Variants in PRKG1 observed in about 807,000 individuals in gnomAD.
The protein encoded by PRKG1 is cGMP-dependent protein kinase 1.
Under a neutral mutation model 88.1 loss-of-function variants are expected in PRKG1, and 35 were observed. The observed-to-expected ratio is 0.40, with a 90% CI of 0.30 to 0.53. The LOEUF (loss-of-function observed/expected upper bound fraction) is 0.53, where lower values mean the gene tolerates loss of function less well. PRKG1 is among the 20% of genes least tolerant of loss of function. The pLI is 0.59. For missense variants in PRKG1, 540 were observed against 839.8 expected (o/e 0.64, Z 4.41); for synonymous variants, 303 against 292.5 (o/e 1.04, Z -0.37).
chr10:51,088,460 A>G (rs1055500014), intron 1 of PRKG1, among the ~76,000 whole-genome samples: 4 of 149,004 alleles, frequency 2.7e-5, no homozygotes, highest in African/African-American at 9.9e-5. Flanking sequence ...GGGTAAGACT[A>G]TAGTATATGT....
intron 3 of PRKG1, among the ~76,000 whole-genome samples, chr10:51,788,763 G>A (rs1425963384): frequency 6.6e-6 from 1 of 152,182 alleles, no homozygotes; most frequent in Non-Finnish European, 1.5e-5. Flanking sequence ...CTGAGGTGAT[G>A]TAGAGGTATA....
At chr10:51,912,939 A>T (rs111331191) in intron 5 of PRKG1, among the ~76,000 whole-genome samples, 1,868 of 145,008 alleles carry the variant, frequency 0.013, 40 homozygotes, top group African/African-American at 0.051. Context: ...TTTTATTATT[A>T]TTTTTTTGAG....
intron 5 of PRKG1, among the ~76,000 whole-genome samples, chr10:51,942,633 G>A (rs1353823714): frequency 6.8e-6 from 1 of 146,682 alleles, no homozygotes; most frequent in African/African-American, 2.6e-5. Flanking sequence ...TTTTGTATAA[G>A]GTGTAAGGAA....
intron 3 of PRKG1, among the ~76,000 whole-genome samples, chr10:51,741,409 C>T (rs1837430000): frequency 6.6e-6 from 1 of 152,072 alleles, no homozygotes; most frequent in African/African-American, 2.4e-5. Context: ...CATTCCTTCT[C>T]TTTACTAAAA....
intron 3 of PRKG1, among the ~76,000 whole-genome samples, chr10:51,494,650 A>G (rs1327028402): frequency 6.6e-6 from 1 of 152,210 alleles, no homozygotes; most frequent in Non-Finnish European, 1.5e-5. Flanking sequence ...TGGAATAAGA[A>G]CCTACATTTG....
At position 51,709,865 on chromosome 10, in the gene PRKG1, A is replaced by G. The variant is rs146940961; in HGVS notation, c.593-94720A>G. 4.4e-3 allele frequency among the ~76,000 whole-genome samples: 674 copies of G among 152,296 alleles called. 2 individuals carry two copies. The highest frequency in any genetic ancestry group is 0.016 in the African/African-American group (652 of 41,564). On this transcript the variant is annotated intron_variant, in intron 3 of 17. Coordinates refer to ENST00000373980, the MANE Select transcript of PRKG1 (RefSeq NM_006258.4). Reference sequence around the variant, plus strand: ...GGAGGCAGAGATGAGGGAGGGAAGGAAAGTGTTTGCATCCCCACCAGGAAG... The same window carrying G: ...GGAGGCAGAGATGAGGGAGGGAAGGGAAGTGTTTGCATCCCCACCAGGAAG...
chr10:52,223,074 G>A (rs909791162), intron 9 of PRKG1, among the ~76,000 whole-genome samples: 2 of 151,974 alleles, frequency 1.3e-5, no homozygotes, highest in African/African-American at 4.8e-5. Context: ...TCTTTTATGT[G>A]AATATTTTCC....
At position 51,894,695 on chromosome 10, in the gene PRKG1, C is replaced by A. The variant is rs1392715637; in HGVS notation, c.699-12812C>A. Among the ~76,000 whole-genome samples the A allele has an allele frequency of 2.0e-5, 3 of 152,220 alleles. No individual in the cohort carries two copies. In the East Asian group the frequency reaches 5.8e-4, roughly 29 times the overall value. Reference sequence around the variant, plus strand: ...TTGACCAAAGATCTGTTATAAGAATCTGCTGAACTGAATTACATTAAAATG... The same window carrying A: ...TTGACCAAAGATCTGTTATAAGAATATGCTGAACTGAATTACATTAAAATG... On this transcript the variant is annotated intron_variant, in intron 4 of 17. Transcript: ENST00000373980.
At chr10:51,002,200 G>C (rs1161986814) in intron 1 of PRKG1, among the ~76,000 whole-genome samples, 1 of 151,640 alleles carries the variant, frequency 6.6e-6, no homozygotes, top group Non-Finnish European at 1.5e-5. Flanking sequence ...AAGTATGTGT[G>C]AGGAGACTAA....
At chr10:51,515,034 C>G (rs756624017) in intron 3 of PRKG1, among the ~76,000 whole-genome samples, 11 of 152,090 alleles carry the variant, frequency 7.2e-5, no homozygotes, top group Non-Finnish European at 1.3e-4. Context: ...GTAAAGTTGT[C>G]TCTAGATATT....
chr10:51,759,734 C>T (rs1837969246), intron 3 of PRKG1, among the ~76,000 whole-genome samples: 1 of 151,884 alleles, frequency 6.6e-6, no homozygotes, highest in African/African-American at 2.4e-5. Flanking sequence ...GATCCCTTGT[C>T]CTGTGTTCTC....
intron 1 of PRKG1, among the ~76,000 whole-genome samples, chr10:51,014,543 C>T (rs1046369638): frequency 6.6e-6 from 1 of 151,286 alleles, no homozygotes; most frequent in Non-Finnish European, 1.5e-5. Flanking sequence ...TTTTTTTTCA[C>T]ACCTTATATC....
At chr10:51,121,923 T>C (rs181045976) in intron 1 of PRKG1, among the ~76,000 whole-genome samples, 192 of 152,322 alleles carry the variant, frequency 1.3e-3, no homozygotes, top group Non-Finnish European at 1.8e-3. Context: ...GCTACACTTA[T>C]TGCATTTAAT....
At chr10:52,222,387 A>G (rs1840268297) in intron 9 of PRKG1, among the ~76,000 whole-genome samples, 1 of 152,172 alleles carries the variant, frequency 6.6e-6, no homozygotes, top group Non-Finnish European at 1.5e-5. Flanking sequence ...CTCCAAGCCT[A>G]CTATAATGAC....
chr10:51,293,187 G>A (rs1250880635), intron 2 of PRKG1, among the ~76,000 whole-genome samples: 1 of 128,074 alleles, frequency 7.8e-6, no homozygotes, highest in Non-Finnish European at 1.6e-5. Context: ...ACCTGACAGA[G>A]TTACCATTTT....
At chr10:51,744,438 G>A (rs1460018490) in intron 3 of PRKG1, among the ~76,000 whole-genome samples, 1 of 152,158 alleles carries the variant, frequency 6.6e-6, no homozygotes, top group Admixed American at 6.5e-5. Flanking sequence ...AGAGGCTGAA[G>A]AGAGGAACCA....
chr10:51,735,438 T>TA (rs1837239773), intron 3 of PRKG1, among the ~76,000 whole-genome samples: 1 of 152,164 alleles, frequency 6.6e-6, no homozygotes, highest in East Asian at 1.9e-4. Flanking sequence ...TTCCTCATCT[T>TA]AATGTGTGAA....
chr10:52,220,178 G>A (rs1840208871), intron 9 of PRKG1, among the ~76,000 whole-genome samples: 2 of 152,114 alleles, frequency 1.3e-5, no homozygotes, highest in Non-Finnish European at 1.5e-5. Context: ...GACAACTGAG[G>A]CTACATTATG....
intron 2 of PRKG1, among the ~76,000 whole-genome samples, chr10:51,163,107 G>A (rs1327347089): frequency 6.6e-6 from 1 of 151,778 alleles, no homozygotes; most frequent in Non-Finnish European, 1.5e-5. Flanking sequence ...GGAGGCTGGG[G>A]TGAGCCGAGA....
Sources: gnomAD v4.1 joint callset for allele counts (sites outside exome capture counted in the v4.1 genomes callset) on GRCh38, gnomAD v4.1.1 for gene constraint, MANE v1.5 for transcripts, NCBI Gene and HGNC (gene_info 2026-07-23, HGNC 2026-07-21) for gene names.